The following CCN4 variants were observed in gnomAD, a reference collection of about 807,000 sequenced individuals.
CCN4 encodes the protein cellular communication network factor 4.
CCN4 carries 30 observed loss-of-function variants against 36.7 expected under a neutral mutation model. The ratio of observed to expected loss-of-function variants is 0.82; its 90% CI spans 0.61 to 1.11. The LOEUF (loss-of-function observed/expected upper bound fraction) is 1.11, where lower values mean the gene tolerates loss of function less well. Among genes scored for constraint, CCN4 ranks in the 50% least tolerant of loss-of-function variants. The pLI is 0.00. For synonymous variants in CCN4, 191 were observed against 195.4 expected, an observed-to-expected ratio of 0.98 and a Z score of 0.19; for missense variants, 505 against 504.9, an observed-to-expected ratio of 1.00 and a Z score of 0.00.
chr8:133,207,784 C>A (rs143328119), intron 1 of CCN4, among the ~76,000 whole-genome samples: 1 of 152,108 alleles, frequency 6.6e-6, no homozygotes, highest in Non-Finnish European at 1.5e-5. Context: ...AACAGATGGG[C>A]GGCATGTGGT....
At chr8:133,214,085 T>TTATACATACTA (rs1854213720) in intron 2 of CCN4, among the ~76,000 whole-genome samples, 4 of 101,362 alleles carry the variant, frequency 3.9e-5, no homozygotes, top group Non-Finnish European at 6.0e-5. Context: ...TATATAGTAG[T>TTATACATACTA]TATATAAACT....
At chr8:133,201,868 AG>A (rs1453758040) in intron 1 of CCN4, among the ~76,000 whole-genome samples, 2 of 145,972 alleles carry the variant, frequency 1.4e-5, no homozygotes, top group Middle Eastern at 3.4e-3. Context: ...AGAAAAGAAA[AG>A]AAAAAAACCC....
chr8:133,191,884 C>T (rs1051862607), intron 1 of CCN4, among the ~76,000 whole-genome samples: 2 of 152,066 alleles, frequency 1.3e-5, no homozygotes, highest in African/African-American at 4.8e-5. Context: ...ATGTGGGCAC[C>T]CCAGAGTCTC....
intron 2 of CCN4, among the ~76,000 whole-genome samples, chr8:133,219,656 T>A (rs1261523895): frequency 3.3e-5 from 5 of 152,216 alleles, no homozygotes; most frequent in African/African-American, 7.2e-5. Context: ...GGTATTTCCA[T>A]TTACAAAATA....
At chr8:133,218,787 A>G (rs1224306726) in intron 2 of CCN4, among the ~76,000 whole-genome samples, 3 of 151,794 alleles carry the variant, frequency 2.0e-5, no homozygotes, top group South Asian at 2.1e-4. Context: ...GAAGTCCCCA[A>G]CTCTCCCTGA....
At chr8:133,210,536 C>T (rs1027787287) in intron 1 of CCN4, among the ~76,000 whole-genome samples, 1 of 152,092 alleles carries the variant, frequency 6.6e-6, no homozygotes, top group African/African-American at 2.4e-5. Context: ...CTGCCAACCC[C>T]AAGAGCTCTC....
In CCN4 at chr8:133,230,323, T is replaced by G. The variant is rs1429769463; in HGVS notation, c.*2613T>G. The G allele has an allele frequency of 6.6e-6, 1 of 152,216 alleles. No homozygotes were observed. The highest frequency in any genetic ancestry group is 1.9e-4 in the East Asian group (1 of 5,206). The allele number at this position is 152,216 out of a possible 1,614,324, so 9.4% of individuals were successfully genotyped here. A position where few individuals can be genotyped will look rare whatever the true frequency, so the allele number is the denominator to read the frequency against. ...GGCCTGATTCAATAAAAATTAAGAA[T>G]AATAAATATAATGGAAAAAAATCTC... On this transcript the variant is annotated 3_prime_UTR_variant, in exon 5 of 5. Transcript: ENST00000250160.
intron 2 of CCN4, among the ~76,000 whole-genome samples, chr8:133,218,683 T>C (rs911198989): frequency 1.3e-5 from 2 of 152,114 alleles, no homozygotes; most frequent in Non-Finnish European, 2.9e-5. Context: ...TGCTTCTCCT[T>C]GGGTGGCCAC....
At chr8:133,218,112 T>C (rs553404556) in intron 2 of CCN4, among the ~76,000 whole-genome samples, 1 of 152,134 alleles carries the variant, frequency 6.6e-6, no homozygotes, top group Non-Finnish European at 1.5e-5. Flanking sequence ...TGGAGTCAGG[T>C]CTCCTGGGTT....
chr8:133,213,965 T>C (rs1318104803), intron 2 of CCN4, among the ~76,000 whole-genome samples: 1 of 138,512 alleles, frequency 7.2e-6, no homozygotes, highest in Non-Finnish European at 1.5e-5. Flanking sequence ...ATATATACTA[T>C]ATATACACTA....
At position 133,225,470 on chromosome 8, in the gene CCN4, G is replaced by T. The variant is rs139602125; in HGVS notation, c.691G>T (p.Gly231Cys). Residue 231 changes from glycine to cysteine, a missense_variant, in exon 4 of 5, where the codon GGC (glycine) becomes TGC (cysteine). Coordinates refer to ENST00000250160, the MANE Select transcript of CCN4 (RefSeq NM_003882.4). Reference sequence around the variant, plus strand: ...CTGGAGCCCTTGCTCCACCAGCTGCGGCCTGGGGGTCTCCACTCGGATCTC... The same window carrying T: ...CTGGAGCCCTTGCTCCACCAGCTGCTGCCTGGGGGTCTCCACTCGGATCTC... ...SPWSPCSTSC[G>C]LGVSTRISNV... 5.0e-6 allele frequency: 8 copies of T among 1,614,078 alleles called. No individual in the cohort carries two copies. The East Asian group carries it at 1.8e-4, about 36-fold the overall frequency.
Position 133,191,114 on chromosome 8 carries a change from C to G in CCN4, c.-31C>G. The G allele has an allele frequency of 1.2e-6, 2 of 1,603,580 alleles. No individual in the cohort carries two copies. The highest frequency in any genetic ancestry group is 1.7e-6 in the Non-Finnish European group (2 of 1,179,514). On this transcript the variant is annotated 5_prime_UTR_variant, in exon 1 of 5. Coordinates refer to ENST00000250160, the MANE Select transcript of CCN4 (RefSeq NM_003882.4). ...AGGTGGTCGGATCCTCTGGGCTGCTCGGTCGATGCCTGTGCCACTGACGTC... is the reference window on the plus strand; with the variant it reads ...AGGTGGTCGGATCCTCTGGGCTGCTGGGTCGATGCCTGTGCCACTGACGTC...
At chr8:133,199,762 T>A (rs1159308037) in intron 1 of CCN4, among the ~76,000 whole-genome samples, 1 of 152,176 alleles carries the variant, frequency 6.6e-6, no homozygotes, top group Non-Finnish European at 1.5e-5. Context: ...TCTGGCCTTG[T>A]GCTCCAGTGC....
intron 3 of CCN4, among the ~76,000 whole-genome samples, chr8:133,224,102 C>T (rs1854633264): frequency 6.6e-6 from 1 of 152,134 alleles, no homozygotes; most frequent in Non-Finnish European, 1.5e-5. Flanking sequence ...ATGCTATAGC[C>T]AACCCCATGT....
At chr8:133,219,752 T>A (rs1854451888) in intron 2 of CCN4, among the ~76,000 whole-genome samples, 1 of 152,210 alleles carries the variant, frequency 6.6e-6, no homozygotes, top group South Asian at 2.1e-4. Flanking sequence ...TGGCTGGGAT[T>A]CACTTGATGA....
In CCN4 at chr8:133,220,563, G is replaced by T; in HGVS notation, c.350-18G>T. ...GGCACCAAGGCCACTGGGCCTGACC[G>T]GCCACCTGTGTTTGCAGAGGTGGTC... On this transcript the variant is annotated intron_variant, in intron 2 of 4. Coordinates refer to ENST00000250160, the MANE Select transcript of CCN4 (RefSeq NM_003882.4). 2 of 1,604,984 alleles carry T rather than the reference G, an allele frequency of 1.2e-6. No homozygotes were observed. The highest frequency in any genetic ancestry group is 1.7e-6 in the Non-Finnish European group (2 of 1,172,552).
chr8:133,216,046 GC>G (rs1854310163), intron 2 of CCN4, among the ~76,000 whole-genome samples: 1 of 151,760 alleles, frequency 6.6e-6, no homozygotes, highest in Admixed American at 6.6e-5. Flanking sequence ...ACACATATGT[GC>G]CCACACATGC....
At chr8:133,204,881 AC>A (rs1300501155) in intron 1 of CCN4, among the ~76,000 whole-genome samples, 1 of 152,222 alleles carries the variant, frequency 6.6e-6, no homozygotes, top group Admixed American at 6.5e-5. Flanking sequence ...AACAAGTTTC[AC>A]AGGCCAGTGA....
At chr8:133,194,489 G>C (rs1300663321) in intron 1 of CCN4, among the ~76,000 whole-genome samples, 8 of 91,630 alleles carry the variant, frequency 8.7e-5, no homozygotes, top group Non-Finnish European at 1.7e-4. Flanking sequence ...GTGGTGGGGG[G>C]TGTGGTGTGT....
Sources: allele counts gnomAD v4.1 joint callset (sites outside exome capture counted in the v4.1 genomes callset), GRCh38; gene constraint gnomAD v4.1.1; transcripts MANE v1.5; gene names NCBI Gene and HGNC (gene_info 2026-07-23, HGNC 2026-07-21).